Variants in NKAIN3 observed in about 807,000 individuals in gnomAD.
NKAIN3 encodes sodium/potassium-transporting ATPase subunit beta-1-interacting protein 3.
A neutral mutation model predicts 30.2 loss-of-function variants in NKAIN3; 25 were observed. The observed-to-expected ratio is 0.83, with a 90% CI of 0.60 to 1.16. The LOEUF (loss-of-function observed/expected upper bound fraction) is 1.16. Ranked by LOEUF, NKAIN3 falls within the 50% of genes most tolerant of loss-of-function variation. NKAIN3 has a pLI of 0.00. For synonymous variants in NKAIN3, 91 were observed against 89.6 expected (o/e 1.02, Z -0.09); for missense variants, 225 against 254.1 (o/e 0.89, Z 0.78).
chr8:62,658,692 G>C (rs1339067566), intron 3 of NKAIN3, among the ~76,000 whole-genome samples: 2 of 152,052 alleles, frequency 1.3e-5, no homozygotes, highest in Non-Finnish European at 2.9e-5. Flanking sequence ...TTGTTTTCTA[G>C]CCTATGCATT....
At chr8:62,297,067 C>T (rs1468126416) in intron 1 of NKAIN3, among the ~76,000 whole-genome samples, 1 of 152,110 alleles carries the variant, frequency 6.6e-6, no homozygotes, top group African/African-American at 2.4e-5. Context: ...TAGATCACTG[C>T]AATCACCTGC....
At chr8:62,249,186 C>A (rs1812000225) in intron 1 of NKAIN3, 59 bp downstream of exon 1, 1 of 1,394,524 alleles carries the variant, frequency 7.2e-7, no homozygotes, top group Non-Finnish European at 9.7e-7. Context: ...CCGGCCTCTG[C>A]GACTCCCTCT....
rs1429606294 is a variant in NKAIN3 at position 62,282,865 on chromosome 8, T to C, written c.54+33738T>C. 3.9e-5 allele frequency among the ~76,000 whole-genome samples: 6 copies of C among 152,250 alleles called. No individual in the cohort carries two copies. The East Asian group carries it at 7.7e-4, about 20-fold the overall frequency. On this transcript the variant is annotated intron_variant, in intron 1 of 6. Coordinates refer to ENST00000623646, the MANE Select transcript of NKAIN3 (RefSeq NM_001304533.3). ...CAGGTAAGTACTTCCAGACACTCTA[T>C]CCTCTCTGTCTTTACAACCCTCTTC... is the stretch of plus-strand genomic sequence containing the variant.
At chr8:62,302,846 TCA>T (rs1004444488) in intron 1 of NKAIN3, among the ~76,000 whole-genome samples, 4 of 142,222 alleles carry the variant, frequency 2.8e-5, no homozygotes, top group African/African-American at 9.3e-5. Flanking sequence ...GTTAAAAGAT[TCA>T]CAGTTTGTTT....
intron 4 of NKAIN3, among the ~76,000 whole-genome samples, chr8:62,786,940 G>T (rs1207894445): frequency 1.3e-5 from 2 of 152,122 alleles, no homozygotes; most frequent in African/African-American, 4.8e-5. Context: ...ACCCACAGCT[G>T]CTCTCTACCC....
At chr8:62,307,926 G>A (rs548812636) in intron 1 of NKAIN3, among the ~76,000 whole-genome samples, 12 of 150,280 alleles carry the variant, frequency 8.0e-5, no homozygotes, top group Non-Finnish European at 8.8e-5. Flanking sequence ...AGTCTTGTGG[G>A]GAAGATGGAC....
Position 62,804,740 on chromosome 8 carries a change from A to C in NKAIN3, c.471+57611A>C, listed in dbSNP as rs371025961. Among the ~76,000 whole-genome samples, 29 of 152,190 alleles carry C rather than the reference A, an allele frequency of 1.9e-4. 1 individual carries two copies. In the East Asian group the frequency reaches 3.1e-3, roughly 16 times the overall value. ...GAAGCATTCCCTTTGAAAACTGGCA[A>C]AAGACAGGGATGCCCTCTCTCACCA... On this transcript the variant is annotated intron_variant, in intron 4 of 6. Transcript: ENST00000623646.
chr8:62,664,098 C>A (rs1813026126), intron 3 of NKAIN3, among the ~76,000 whole-genome samples: 1 of 152,074 alleles, frequency 6.6e-6, no homozygotes, highest in Admixed American at 6.6e-5. Flanking sequence ...GCCAACACCT[C>A]TATTTCCTGG....
chr8:62,426,697 T>TA (rs1011058158), intron 1 of NKAIN3, among the ~76,000 whole-genome samples: 5 of 151,866 alleles, frequency 3.3e-5, no homozygotes, highest in Admixed American at 1.3e-4. Context: ...AGAGTTTTAG[T>TA]AAAAAAAAGG....
chr8:62,873,947 A>C (rs1325309592), intron 4 of NKAIN3, among the ~76,000 whole-genome samples: 1 of 152,102 alleles, frequency 6.6e-6, no homozygotes, highest in Non-Finnish European at 1.5e-5. Context: ...GAACAAACAA[A>C]ACCAAAAGCT....
chr8:62,391,640 T>C (rs903616134), intron 1 of NKAIN3, among the ~76,000 whole-genome samples: 1 of 152,102 alleles, frequency 6.6e-6, no homozygotes, highest in African/African-American at 2.4e-5. Flanking sequence ...TGTAATATTA[T>C]TTTAAAATAG....
Position 62,872,537 on chromosome 8 carries a change from C to T in NKAIN3, c.472-45916C>T, listed in dbSNP as rs559131981. On this transcript the variant is annotated intron_variant, in intron 4 of 6. Transcript: ENST00000623646. The stretch of plus-strand genomic sequence containing the variant: ...ACTGGACTCTCACTGTTCATGTCCC[C>T]TCCTGCCCAAGCATTAGAATCTAGA... Among the ~76,000 whole-genome samples, 7 of 152,348 alleles carry T rather than the reference C, an allele frequency of 4.6e-5. No individual in the cohort carries two copies. The South Asian group carries it at 1.2e-3, about 27-fold the overall frequency.
At chr8:62,477,585 G>T (rs967427633) in intron 1 of NKAIN3, among the ~76,000 whole-genome samples, 2 of 152,152 alleles carry the variant, frequency 1.3e-5, no homozygotes, top group African/African-American at 4.8e-5. Flanking sequence ...TTGGGTGATA[G>T]AAATAGTATT....
intron 1 of NKAIN3, among the ~76,000 whole-genome samples, chr8:62,454,059 T>G (rs1425036764): frequency 6.6e-6 from 1 of 151,908 alleles, no homozygotes; most frequent in Non-Finnish European, 1.5e-5. Context: ...ATCTCTACCT[T>G]TATTTTGTAG....
Position 62,579,643 on chromosome 8 carries a change from G to T in NKAIN3, c.159G>T (p.Gly53=). Reference sequence around the variant, plus strand: ...TAGTTGTCATATTGGGTTTGTTTGGGACCATTCAGTACAGACCTCGATACA... The same window carrying T: ...TAGTTGTCATATTGGGTTTGTTTGGTACCATTCAGTACAGACCTCGATACA... The part of the protein sequence containing the change: ...HIIVVILGLF[G]TIQYRPRYIM... Residue 53 remains glycine (G), a synonymous_variant, in exon 2 of 7, where the codon GGG becomes GGT. Transcript: ENST00000623646. 2 of 1,608,062 alleles carry T rather than the reference G, an allele frequency of 1.2e-6. No homozygotes were observed. The highest frequency in any genetic ancestry group is 8.5e-7 in the Non-Finnish European group (1 of 1,175,988).
intron 1 of NKAIN3, among the ~76,000 whole-genome samples, chr8:62,327,376 C>T (rs915660699): frequency 1.3e-5 from 2 of 151,966 alleles, no homozygotes; most frequent in African/African-American, 4.8e-5. Flanking sequence ...GTGTCATATT[C>T]AAGAAGTAAT....
At chr8:62,365,775 AT>A (rs11291354) in intron 1 of NKAIN3, among the ~76,000 whole-genome samples, 126,140 of 151,814 alleles carry the variant, frequency 0.83, 52,638 homozygotes, top group South Asian at 0.88. Context: ...TCACTATAAA[AT>A]TTTTTTTTTA....
In NKAIN3 at chr8:62,913,214, AC is replaced by A. The variant is rs1283926578; in HGVS notation, c.472-5237del. On this transcript the variant is annotated intron_variant, in intron 4 of 6. Transcript: ENST00000623646. ...TAAGAAGTATAGTATAAATACATAAACCAGTAGCATCATTGTTTACTATCAA... is the reference window on the plus strand; with the variant it reads ...TAAGAAGTATAGTATAAATACATAAACAGTAGCATCATTGTTTACTATCAA... Among the ~76,000 whole-genome samples the A allele has an allele frequency of 4.6e-5, 7 of 152,194 alleles. No homozygotes were observed. In the South Asian group the frequency reaches 1.2e-3, roughly 27 times the overall value.
At chr8:62,730,939 A>G (rs77808241) in intron 3 of NKAIN3, among the ~76,000 whole-genome samples, 4 of 152,252 alleles carry the variant, frequency 2.6e-5, no homozygotes, top group African/African-American at 9.6e-5. Flanking sequence ...GGCTTCAATC[A>G]TTCCTTTTGA....
Sources: allele counts gnomAD v4.1 joint callset (sites outside exome capture counted in the v4.1 genomes callset), GRCh38; gene constraint gnomAD v4.1.1; transcripts MANE v1.5; gene names NCBI Gene and HGNC (gene_info 2026-07-23, HGNC 2026-07-21).